The following HIKESHI variants were observed in gnomAD, a reference collection of about 807,000 sequenced individuals.
HIKESHI encodes protein Hikeshi.
In HIKESHI, 13 loss-of-function variants were observed where a neutral mutation model predicts 25.7. The ratio of observed to expected loss-of-function variants is 0.51; its 90% confidence interval spans 0.33 to 0.80. The LOEUF (loss-of-function observed/expected upper bound fraction) is 0.80. Among genes scored for constraint, HIKESHI ranks in the 30% least tolerant of loss-of-function variants. HIKESHI has a pLI of 0.02. For synonymous variants in HIKESHI, 76 were observed against 78.7 expected (o/e 0.97, Z 0.18); for missense variants, 174 against 229.5 (o/e 0.76, Z 1.56).
chr11:86,336,467 G>A (rs1024291118), intron 2 of HIKESHI, among the ~76,000 whole-genome samples: 39 of 152,114 alleles, frequency 2.6e-4, no homozygotes, highest in African/African-American at 8.9e-4. Context: ...AGAGTAATAA[G>A]AAGATCACTT....
At chr11:86,309,260 T>G (rs1230592277) in intron 2 of HIKESHI, among the ~76,000 whole-genome samples, 1 of 152,168 alleles carries the variant, frequency 6.6e-6, no homozygotes, top group African/African-American at 2.4e-5. Context: ...TGATCACCAT[T>G]CTAACTGGCG....
chr11:86,320,908 A>G (rs1784882894), intron 2 of HIKESHI, among the ~76,000 whole-genome samples: 1 of 151,966 alleles, frequency 6.6e-6, no homozygotes, highest in Non-Finnish European at 1.5e-5. Flanking sequence ...CATTCATGTT[A>G]TGTCGATCCT....
At position 86,317,270 on chromosome 11, in the gene HIKESHI, C is replaced by T. The variant is rs138239058; in HGVS notation, c.268+10788C>T. On this transcript the variant is annotated intron_variant, in intron 2 of 4. Transcript: ENST00000278483. ...AAGTATTTCTAAGAGGTTCAGTGAG[C>T]GGAGATTGCAACACTACCCTCCAGC... 8.9e-3 allele frequency among the ~76,000 whole-genome samples: 1,359 copies of T among 152,116 alleles called. 74 individuals carry two copies. The highest frequency in any genetic ancestry group is 1.6e-3 in the Non-Finnish European group (112 of 67,994).
chr11:86,319,908 A>C (rs1947106604), intron 2 of HIKESHI, among the ~76,000 whole-genome samples: 1 of 152,080 alleles, frequency 6.6e-6, no homozygotes, highest in African/African-American at 2.4e-5. Flanking sequence ...TTATTAATTG[A>C]GTAGGGGTTC....
rs1383589741 is a variant in HIKESHI, at chr11:86,319,242, A to ATATTTTTTT, written c.268+12761_268+12762insATTTTTTTT. 1.1e-3 allele frequency among the ~76,000 whole-genome samples: 103 copies of ATATTTTTTT among 94,924 alleles called. 1 individual carries two copies. Among genetic ancestry groups the ATATTTTTTT allele is most frequent in the East Asian group, 3.2e-3 (9 of 2,802 alleles). The allele number at this position is 94,924 out of a possible 152,430, so 62.3% of individuals were successfully genotyped here. On this transcript the variant is annotated intron_variant, in intron 2 of 4. Transcript: ENST00000278483. The stretch of plus-strand genomic sequence containing the variant: ...AATATATATATATATATATATATAT[A>ATATTTTTTT]TTTTTTTTTTTTTTGAGACCAGTCT...
chr11:86,311,727 T>A (rs1946840712), intron 2 of HIKESHI, among the ~76,000 whole-genome samples: 2 of 152,238 alleles, frequency 1.3e-5, no homozygotes, highest in Admixed American at 1.3e-4. Flanking sequence ...ACACACTGCT[T>A]TGAATGTGTC....
At chr11:86,308,297 T>TA (rs373303622) in intron 2 of HIKESHI, among the ~76,000 whole-genome samples, 1 of 52,352 alleles carries the variant, frequency 1.9e-5, no homozygotes, top group African/African-American at 7.6e-5. Context: ...ATATTACATA[T>TA]AATATATATT....
At chr11:86,320,546 A>G (rs541854024) in intron 2 of HIKESHI, among the ~76,000 whole-genome samples, 1 of 152,370 alleles carries the variant, frequency 6.6e-6, no homozygotes, top group Admixed American at 6.5e-5. Flanking sequence ...ATTGCACTCC[A>G]GCCTGGGTGA....
intron 2 of HIKESHI, among the ~76,000 whole-genome samples, chr11:86,322,242 C>T (rs1947168322): frequency 6.6e-6 from 1 of 152,194 alleles, no homozygotes; most frequent in Admixed American, 6.5e-5. Flanking sequence ...CCACCTCAGC[C>T]TCCCAGAGTG....
intron 2 of HIKESHI, among the ~76,000 whole-genome samples, chr11:86,331,977 CTTTTCT>C (rs1565737729): frequency 7.3e-6 from 1 of 137,472 alleles, no homozygotes; most frequent in African/African-American, 2.8e-5. Context: ...TAACTGTTTT[CTTTTCT>C]TTTTTTTTTT....
intron 2 of HIKESHI, among the ~76,000 whole-genome samples, chr11:86,310,325 G>A (rs1235987918): frequency 6.6e-6 from 1 of 151,664 alleles, no homozygotes; most frequent in Non-Finnish European, 1.5e-5. Flanking sequence ...TCTCTTTGAA[G>A]CAATTGTGAA....
At position 86,344,527 on chromosome 11, in the gene HIKESHI, A is replaced by C. The variant is rs1947817934; in HGVS notation, c.421-76A>C. The C allele has an allele frequency of 4.5e-6, 4 of 880,542 alleles. No individual in the cohort carries two copies. The East Asian group carries it at 1.1e-4, about 24-fold the overall frequency. 54.5% of individuals were successfully genotyped at this position (880,542 alleles called of 1,614,324 possible). A position where few individuals can be genotyped will look rare whatever the true frequency, so the allele number is the denominator to read the frequency against. On this transcript the variant is annotated intron_variant, in intron 3 of 4. Transcript: ENST00000278483. Reference sequence around the variant, plus strand: ...TCCCTATAAACAAGTTAATGTGAGAACACTTTTAATTTAAAAATATTGAGT... The same window carrying C: ...TCCCTATAAACAAGTTAATGTGAGACCACTTTTAATTTAAAAATATTGAGT...
At chr11:86,302,598 G>C (rs1371941047) in intron 1 of HIKESHI, 120 bp downstream of exon 1, 1 of 1,181,126 alleles carries the variant, frequency 8.5e-7, no homozygotes, top group African/African-American at 1.5e-5. Context: ...ATTTTGGGTG[G>C]GTATGTGAGG....
intron 2 of HIKESHI, 92 bp from the exon 3 acceptor site, chr11:86,337,287 A>C (rs1195420837): frequency 1.6e-6 from 2 of 1,235,772 alleles, no homozygotes; most frequent in Non-Finnish European, 2.2e-6. Flanking sequence ...TTTTTCATGT[A>C]TATAAATTAG....
intron 2 of HIKESHI, among the ~76,000 whole-genome samples, chr11:86,313,682 A>G (rs950407500): frequency 2.0e-5 from 3 of 152,250 alleles, no homozygotes; most frequent in African/African-American, 7.2e-5. Flanking sequence ...GAGATAACTC[A>G]TAGAGGAAGA....
chr11:86,325,557 A>T (rs1224390988), intron 2 of HIKESHI, among the ~76,000 whole-genome samples: 1 of 151,998 alleles, frequency 6.6e-6, no homozygotes, highest in Non-Finnish European at 1.5e-5. Flanking sequence ...AACATGGGAT[A>T]TGAAATCCTA....
rs755557954 is a variant in HIKESHI, at chr11:86,337,392, A to G, written c.282A>G (p.Gln94=). The G allele has an allele frequency of 3.6e-5, 58 of 1,612,624 alleles. No homozygotes were observed. Among genetic ancestry groups the G allele is most frequent in the Non-Finnish European group, 4.4e-5 (52 of 1,179,668 alleles). Reference sequence around the variant, plus strand: ...AATTTCTTGCAGGAGAAGGAAGCCAACATCCTTTTGGAGCCATGAATATTG... The same window carrying G: ...AATTTCTTGCAGGAGAAGGAAGCCAGCATCCTTTTGGAGCCATGAATATTG... ...ISGLKSGEGS[Q]HPFGAMNIVR... The change falls in exon 3 of 5, where the codon CAA becomes CAG. Residue 94 remains glutamine (Q), a synonymous_variant. Coordinates refer to ENST00000278483, the MANE Select transcript of HIKESHI (RefSeq NM_016401.4).
At chr11:86,344,393 C>A in intron 3 of HIKESHI, 2 of 421,154 alleles carry the variant, frequency 4.7e-6, no homozygotes, top group Non-Finnish European at 8.4e-6. Flanking sequence ...GTCTTGAATG[C>A]CTGGCCTCAA....
chr11:86,325,762 C>A (rs1947263214), intron 2 of HIKESHI, among the ~76,000 whole-genome samples: 1 of 151,664 alleles, frequency 6.6e-6, no homozygotes, highest in Non-Finnish European at 1.5e-5. Flanking sequence ...GTCCCAGCTA[C>A]TCGGGAGGGT....
Sources: gnomAD v4.1 joint callset for allele counts (sites outside exome capture counted in the v4.1 genomes callset) on GRCh38, gnomAD v4.1.1 for gene constraint, MANE v1.5 for transcripts, NCBI Gene and HGNC (gene_info 2026-07-23, HGNC 2026-07-21) for gene names.